The following LEKR1 variants were observed in gnomAD, a reference collection of about 807,000 sequenced individuals.
LEKR1 encodes the protein protein LEKR1.
A neutral mutation model predicts 72.4 loss-of-function variants in LEKR1; 59 were observed. The ratio of observed to expected loss-of-function variants is 0.82; its 90% CI spans 0.66 to 1.01. The LOEUF (loss-of-function observed/expected upper bound fraction) is 1.01, where lower values mean the gene tolerates loss of function less well. Ranked by LOEUF, LEKR1 falls within the 50% of genes least tolerant of loss-of-function variation. The pLI, the probability that LEKR1 is intolerant of heterozygous loss-of-function variation, is 0.00. For missense variants in LEKR1, 728 were observed against 759.2 expected (o/e 0.96, Z 0.48); for synonymous variants, 257 against 263.2 (o/e 0.98, Z 0.23).
intron 7 of LEKR1, among the ~76,000 whole-genome samples, chr3:156,991,782 TTGTC>T (rs1731160292): frequency 1.3e-5 from 2 of 152,240 alleles, no homozygotes; most frequent in Admixed American, 1.3e-4. Context: ...TCAAAAATCT[TTGTC>T]TGCTCATTTC....
At chr3:156,902,068 AG>A (rs1302914941) in intron 3 of LEKR1, among the ~76,000 whole-genome samples, 1 of 152,200 alleles carries the variant, frequency 6.6e-6, no homozygotes, top group Non-Finnish European at 1.5e-5. Flanking sequence ...AAAACAGACC[AG>A]GGTTTAAAAC....
chr3:156,917,042 C>G (rs1723722237), intron 3 of LEKR1, among the ~76,000 whole-genome samples: 1 of 151,958 alleles, frequency 6.6e-6, no homozygotes, highest in Non-Finnish European at 1.5e-5. Context: ...CAAAAACACA[C>G]TAGAATTGAT....
intron 12 of LEKR1, among the ~76,000 whole-genome samples, chr3:157,037,741 A>G (rs1735067861): frequency 1.3e-5 from 2 of 152,182 alleles, no homozygotes; most frequent in Admixed American, 6.6e-5. Flanking sequence ...ATGCTAAGGA[A>G]AAAATAAATC....
intron 4 of LEKR1, chr3:156,921,109 T>C (rs1724152770): frequency 6.6e-6 from 1 of 152,560 alleles, no homozygotes; most frequent in Admixed American, 6.6e-5. Context: ...GTAAAGCATG[T>C]TAATTCTGCT....
intron 12 of LEKR1, among the ~76,000 whole-genome samples, chr3:157,041,020 A>G (rs1735304085): frequency 6.6e-6 from 1 of 152,224 alleles, no homozygotes; most frequent in South Asian, 2.1e-4. Flanking sequence ...TGCAAGGAGT[A>G]GGGGAAATTG....
chr3:156,892,988 G>C (rs184227228), intron 3 of LEKR1, among the ~76,000 whole-genome samples: 5 of 152,308 alleles, frequency 3.3e-5, no homozygotes, highest in Admixed American at 2.6e-4. Context: ...TTTCTCAATA[G>C]AGCCCTTTGT....
chr3:157,001,566 GT>G (rs1732016501), intron 9 of LEKR1, among the ~76,000 whole-genome samples: 1 of 152,126 alleles, frequency 6.6e-6, no homozygotes, highest in African/African-American at 2.4e-5. Flanking sequence ...ATTTAATAAA[GT>G]TTTTAAAATA....
chr3:156,929,484 T>G (rs1009661927), intron 5 of LEKR1, among the ~76,000 whole-genome samples: 1 of 152,138 alleles, frequency 6.6e-6, no homozygotes, highest in Non-Finnish European at 1.5e-5. Flanking sequence ...GAAGTCAGAA[T>G]GAGACAATAG....
chr3:156,965,958 C>T (rs1728531424), intron 6 of LEKR1, among the ~76,000 whole-genome samples: 1 of 152,130 alleles, frequency 6.6e-6, no homozygotes, highest in Admixed American at 6.5e-5. Context: ...GCTCATCAAA[C>T]TGTGATATGA....
At chr3:156,924,598 A>T in intron 4 of LEKR1, 4 of 599,930 alleles carry the variant, frequency 6.7e-6, no homozygotes, top group East Asian at 5.7e-5. Flanking sequence ...TCTTCTTTAG[A>T]TCTATGATCT....
At chr3:157,004,862 G>C (rs566237283) in intron 9 of LEKR1, among the ~76,000 whole-genome samples, 2 of 152,052 alleles carry the variant, frequency 1.3e-5, no homozygotes, top group South Asian at 4.1e-4. Flanking sequence ...AGAAAAAAAG[G>C]TTTCAGCTTC....
intron 3 of LEKR1, among the ~76,000 whole-genome samples, chr3:156,906,141 T>C (rs576031094): frequency 1.2e-4 from 18 of 152,322 alleles, no homozygotes; most frequent in African/African-American, 4.3e-4. Flanking sequence ...TTGTGTTTTC[T>C]AAAGTGTTTC....
chr3:156,838,756 C>T (rs182888011), intron 2 of LEKR1, among the ~76,000 whole-genome samples: 1 of 152,164 alleles, frequency 6.6e-6, no homozygotes, highest in Non-Finnish European at 1.5e-5. Context: ...TGCCAGAGCT[C>T]ACCTCCAATT....
At chr3:156,968,340 C>A (rs532719179) in intron 6 of LEKR1, among the ~76,000 whole-genome samples, 155 of 152,202 alleles carry the variant, frequency 1.0e-3, no homozygotes, top group African/African-American at 3.5e-3. Flanking sequence ...CAAATTGGAT[C>A]AAGAGTCAAG....
chr3:156,901,450 T>G (rs746813761), intron 3 of LEKR1, among the ~76,000 whole-genome samples: 1 of 152,230 alleles, frequency 6.6e-6, no homozygotes, highest in Admixed American at 6.5e-5. Context: ...TTCCTTTTTT[T>G]CTAAGTGCTT....
chr3:156,922,655 C>T (rs944940306), intron 4 of LEKR1, among the ~76,000 whole-genome samples: 1 of 152,158 alleles, frequency 6.6e-6, no homozygotes, highest in Non-Finnish European at 1.5e-5. Flanking sequence ...CTGTGTCTTG[C>T]AAGGGCTCAG....
chr3:156,900,120 C>G (rs2076687119), intron 3 of LEKR1, among the ~76,000 whole-genome samples: 1 of 151,970 alleles, frequency 6.6e-6, no homozygotes, highest in South Asian at 2.1e-4. Context: ...GGGAACTATA[C>G]TAAACCAAAA....
chr3:156,961,404 C>T (rs775203366), intron 6 of LEKR1, among the ~76,000 whole-genome samples: 6 of 152,144 alleles, frequency 3.9e-5, no homozygotes, highest in Non-Finnish European at 8.8e-5. Context: ...CAAAAAGAAA[C>T]TTTGTGGCCA....
Position 156,888,361 on chromosome 3 carries a change from C to T in LEKR1, c.264-32214C>T, listed in dbSNP as rs1301304320. The stretch of plus-strand genomic sequence containing the variant: ...ACATTGCCAGCTGAAAGAACGAATG[C>T]CAGATCTACAACATTCTGTCACTGA... On this transcript the variant is annotated intron_variant, in intron 3 of 12. Transcript: ENST00000356539. 1.4e-5 allele frequency: 10 copies of T among 702,180 alleles called. No homozygotes were observed. In the Admixed American group the frequency reaches 1.8e-4, roughly 13 times the overall value. 43.5% of individuals were successfully genotyped at this position (702,180 alleles called of 1,614,324 possible).
Sources: gnomAD v4.1 joint callset for allele counts (sites outside exome capture counted in the v4.1 genomes callset) on GRCh38, gnomAD v4.1.1 for gene constraint, MANE v1.5 for transcripts, NCBI Gene and HGNC (gene_info 2026-07-23, HGNC 2026-07-21) for gene names.